Variants in NRXN1 observed in about 807,000 individuals in gnomAD.
NRXN1 encodes neurexin 1, also known as neurexin-1.
Under a neutral mutation model 150.9 loss-of-function variants are expected in NRXN1, and 39 were observed. The observed-to-expected ratio is 0.26, with a 90% CI of 0.20 to 0.34. NRXN1 has a LOEUF of 0.34. Ranked by LOEUF, NRXN1 falls within the 10% of genes least tolerant of loss-of-function variation. The pLI, the probability that NRXN1 is intolerant of heterozygous loss-of-function variation, is 1.00. For missense variants in NRXN1, 1,815 were observed against 1,949.9 expected (o/e 0.93, Z 1.30); for synonymous variants, 924 against 757.0 (o/e 1.22, Z -3.62).
chr2:50,565,667 C>T (rs1669735108), intron 8 of NRXN1, among the ~76,000 whole-genome samples: 1 of 151,988 alleles, frequency 6.6e-6, no homozygotes, highest in South Asian at 2.1e-4. Context: ...TAATTAAACA[C>T]TAGTTTGAGA....
At chr2:50,329,577 TAGTGTG>T (rs1474245583) in intron 17 of NRXN1, among the ~76,000 whole-genome samples, 14 of 55,370 alleles carry the variant, frequency 2.5e-4, no homozygotes, top group African/African-American at 1.2e-3. Flanking sequence ...TATATAACAG[TAGTGTG>T]TGTGTGTGTG....
intron 5 of NRXN1, chr2:50,829,535 A>T (rs570935498): frequency 1.5e-5 from 24 of 1,610,318 alleles, no homozygotes; most frequent in Non-Finnish European, 2.0e-5. Flanking sequence ...CGATGGCCTT[A>T]TAAGGGATCT....
chr2:50,570,431 G>A (rs1670498394), intron 8 of NRXN1, among the ~76,000 whole-genome samples: 1 of 152,076 alleles, frequency 6.6e-6, no homozygotes, highest in Non-Finnish European at 1.5e-5. Flanking sequence ...TTTCTTATAA[G>A]TATCGTAAAT....
chr2:50,584,741 A>G (rs536692367), intron 8 of NRXN1, among the ~76,000 whole-genome samples: 2 of 152,176 alleles, frequency 1.3e-5, no homozygotes, highest in Non-Finnish European at 2.9e-5. Flanking sequence ...TGCTGCCACT[A>G]TAGTTTGGTA....
At chr2:50,098,370 T>C (rs950150531) in intron 18 of NRXN1, among the ~76,000 whole-genome samples, 10 of 151,248 alleles carry the variant, frequency 6.6e-5, no homozygotes, top group African/African-American at 1.2e-4. Context: ...CACAGGTGCA[T>C]TGGGGGAAGC....
At chr2:50,524,221 G>A (rs1457895576) in intron 12 of NRXN1, among the ~76,000 whole-genome samples, 1 of 152,170 alleles carries the variant, frequency 6.6e-6, no homozygotes, top group Non-Finnish European at 1.5e-5. Flanking sequence ...GCTCACGCCT[G>A]TAATCCCAGC....
At chr2:50,551,300 C>A (rs1056336620) in intron 9 of NRXN1, 9 of 152,202 alleles carry the variant, frequency 5.9e-5, no homozygotes, top group African/African-American at 2.2e-4. Flanking sequence ...ACTCCCAACT[C>A]CTTCTCAATT....
intron 17 of NRXN1, among the ~76,000 whole-genome samples, chr2:50,238,730 C>T (rs1235594278): frequency 6.6e-6 from 1 of 151,926 alleles, no homozygotes; most frequent in Non-Finnish European, 1.5e-5. Flanking sequence ...TCTTTGTTTT[C>T]TGTTACAGAC....
chr2:50,588,940 A>C (rs1386365850), intron 8 of NRXN1: 1 of 152,152 alleles, frequency 6.6e-6, no homozygotes, highest in Non-Finnish European at 1.5e-5. Flanking sequence ...ATCCTAGGAA[A>C]CCAATTGATT....
At chr2:50,315,584 T>C in intron 17 of NRXN1, among the ~76,000 whole-genome samples, 1 of 152,114 alleles carries the variant, frequency 6.6e-6, no homozygotes, top group Non-Finnish European at 1.5e-5. Context: ...AATTGTCTCC[T>C]GTACAGTCAG....
chr2:50,129,212 T>A (rs1296708049), intron 18 of NRXN1, among the ~76,000 whole-genome samples: 2 of 152,098 alleles, frequency 1.3e-5, no homozygotes, highest in African/African-American at 4.8e-5. Flanking sequence ...CATTTTTTTT[T>A]AAGTATAACT....
At chr2:50,745,976 G>A (rs1250217773) in intron 5 of NRXN1, among the ~76,000 whole-genome samples, 1 of 152,112 alleles carries the variant, frequency 6.6e-6, no homozygotes, top group African/African-American at 2.4e-5. Context: ...TCCTCTCACT[G>A]CCAATGGGAC....
At chr2:50,687,293 T>C (rs1370681723) in intron 5 of NRXN1, among the ~76,000 whole-genome samples, 1 of 152,198 alleles carries the variant, frequency 6.6e-6, no homozygotes. Context: ...AAATATTAGA[T>C]AGAAATCTTC....
At position 50,346,859 on chromosome 2, in the gene NRXN1, G is replaced by A; in HGVS notation, c.3365-109889C>T. On this transcript the variant is annotated intron_variant, in intron 17 of 22. Coordinates refer to ENST00000401669, the MANE Select transcript of NRXN1 (RefSeq NM_001330078.2). This position sits in a 1 kb window ranked among gnomAD's most constrained non-coding sequence, Gnocchi z 5.0. ...AGCGGGACTATCCAAAGCAGGGCCA[G>A]GCGCCCCCCTGCGCCGCCGCCGCCG... 1.3e-6 allele frequency: 2 copies of A among 1,523,116 alleles called. No homozygotes were observed. The highest frequency in any genetic ancestry group is 1.8e-6 in the Non-Finnish European group (2 of 1,134,644). The allele number at this position is 1,523,116 out of a possible 1,614,324, so 94.4% of individuals were successfully genotyped here.
chr2:50,129,172 A>G (rs1705096291), intron 18 of NRXN1, among the ~76,000 whole-genome samples: 1 of 151,034 alleles, frequency 6.6e-6, no homozygotes. Context: ...TGAATACATC[A>G]GTTTTATGAT....
In NRXN1 at chr2:49,960,889, A is replaced by G. The variant is rs562186704; in HGVS notation, c.4129-17098T>C. Among the ~76,000 whole-genome samples, 7 of 152,322 alleles carry G rather than the reference A, an allele frequency of 4.6e-5. No homozygotes were observed. The South Asian group carries it at 8.3e-4, about 18-fold the overall frequency. ...TCTTGACAAAAGCATTCTTTTCCCC[A>G]TAAATGGAATCCATAGCATACTATA... On this transcript the variant is annotated intron_variant, in intron 21 of 22. Coordinates refer to ENST00000401669, the MANE Select transcript of NRXN1 (RefSeq NM_001330078.2).
chr2:50,461,112 A>C (rs1356398066), intron 17 of NRXN1, among the ~76,000 whole-genome samples: 1 of 152,096 alleles, frequency 6.6e-6, no homozygotes, highest in African/African-American at 2.4e-5. Flanking sequence ...AAAGAAGCTG[A>C]GAAACAAAGC....
chr2:50,628,026 G>A (rs1356969886), intron 5 of NRXN1, among the ~76,000 whole-genome samples: 1 of 151,832 alleles, frequency 6.6e-6, no homozygotes, highest in Non-Finnish European at 1.5e-5. Flanking sequence ...TATTAAGAAA[G>A]ATTCCACTTA....
intron 5 of NRXN1, among the ~76,000 whole-genome samples, chr2:50,781,838 T>G (rs1347080801): frequency 6.6e-6 from 1 of 152,220 alleles, no homozygotes; most frequent in African/African-American, 2.4e-5. Flanking sequence ...TGTGTGCTGG[T>G]TGAGTTATTC....
Sources: allele counts gnomAD v4.1 joint callset (sites outside exome capture counted in the v4.1 genomes callset), GRCh38; gene constraint gnomAD v4.1.1; non-coding constraint Gnocchi (gnomAD v3.1); transcripts MANE v1.5; gene names NCBI Gene and HGNC (gene_info 2026-07-23, HGNC 2026-07-21).